The following ZNF567 variants were observed in gnomAD, a reference collection of about 807,000 sequenced individuals.
ZNF567 encodes the protein zinc finger protein 567.
In ZNF567, 36 loss-of-function variants were observed where a neutral mutation model predicts 53.9. That is an observed-to-expected ratio of 0.67 (90% CI 0.51 to 0.88). ZNF567 has a LOEUF of 0.88. ZNF567 is among the 40% of genes least tolerant of loss of function. The probability of loss-of-function intolerance (pLI) is 0.00; values close to 1 mark genes in which losing one functional copy is unlikely to be tolerated. For missense variants in ZNF567, 619 were observed against 764.7 expected (o/e 0.81, Z 2.25); for synonymous variants, 224 against 260.4 (o/e 0.86, Z 1.35).
intron 4 of ZNF567, 42 bp from the exon 5 acceptor site, chr19:36,712,739 T>G: frequency 1.3e-5 from 21 of 1,572,132 alleles, no homozygotes; most frequent in Non-Finnish European, 1.8e-5. Flanking sequence ...TTTTCAGTGG[T>G]ATTATAGCCC....
downstream of ZNF567, among the ~76,000 whole-genome samples, chr19:36,723,899 A>G (rs757930512): frequency 1.3e-5 from 2 of 152,046 alleles, no homozygotes; most frequent in Non-Finnish European, 2.9e-5. Flanking sequence ...GCATCTTTCC[A>G]TAATCATGCT....
At chr19:36,721,769 G>C (rs908019158), downstream of ZNF567, among the ~76,000 whole-genome samples, 11 of 111,850 alleles carry the variant, frequency 9.8e-5, no homozygotes, top group African/African-American at 3.7e-4. Context: ...TTTTGAGACA[G>C]AGTCTCGCTC....
chr19:36,691,591 A>T (rs2038614076), intron 2 of ZNF567, among the ~76,000 whole-genome samples: 1 of 152,222 alleles, frequency 6.6e-6, no homozygotes, highest in South Asian at 2.1e-4. Flanking sequence ...TTTTAAACTC[A>T]TGTCACCACC....
the ZNF567 span, among the ~76,000 whole-genome samples, chr19:36,681,450 G>T: frequency 2.0e-5 from 3 of 151,224 alleles, no homozygotes; most frequent in Admixed American, 6.6e-5. Flanking sequence ...GTTTCTTTGA[G>T]ACAAGGTCTC....
chr19:36,701,029 G>A (rs1349274960), intron 3 of ZNF567, among the ~76,000 whole-genome samples: 2 of 150,494 alleles, frequency 1.3e-5, no homozygotes, highest in Admixed American at 6.6e-5. Flanking sequence ...TGTCAATTTT[G>A]GATCTTTCCT....
At chr19:36,714,596 G>T (rs535526953) in intron 5 of ZNF567, 1 of 391,842 alleles carries the variant, frequency 2.6e-6, no homozygotes, top group Non-Finnish European at 4.5e-6. Context: ...TCTGTGCTAA[G>T]CTCCCCTTCT....
At chr19:36,701,495 G>A (rs557743639) in intron 3 of ZNF567, among the ~76,000 whole-genome samples, 9 of 151,846 alleles carry the variant, frequency 5.9e-5, no homozygotes, top group South Asian at 4.2e-4. Flanking sequence ...TTTCTGTCTC[G>A]TTGATCTGTC....
intron 5 of ZNF567, among the ~76,000 whole-genome samples, chr19:36,718,599 G>A (rs1462569005): frequency 6.6e-6 from 1 of 151,998 alleles, no homozygotes; most frequent in Admixed American, 6.6e-5. Flanking sequence ...AATTTTTCTT[G>A]TCCATCCTAC....
chr19:36,696,049 G>T (rs983345528), intron 3 of ZNF567, among the ~76,000 whole-genome samples: 1 of 152,142 alleles, frequency 6.6e-6, no homozygotes, highest in African/African-American at 2.4e-5. Flanking sequence ...CTAAAAATCT[G>T]TGGCCTTCCA....
At chr19:36,727,079 A>ATTTATTTATTTT (rs2040338828), downstream of ZNF567, 1 of 111,804 alleles carries the variant, frequency 8.9e-6, no homozygotes, top group African/African-American at 3.3e-5. Context: ...TTATTTATTT[A>ATTTATTTATTTT]TTTATTTTTT....
chr19:36,672,005 A>G, the ZNF567 span, among the ~76,000 whole-genome samples: 1 of 152,226 alleles, frequency 6.6e-6, no homozygotes, highest in South Asian at 2.1e-4. Flanking sequence ...TCGTGGCCTC[A>G]TGGGGAGTTC....
intron 2 of ZNF567, among the ~76,000 whole-genome samples, 175 bp downstream of exon 2, chr19:36,689,672 C>T (rs2038492930): frequency 6.6e-6 from 1 of 152,040 alleles, no homozygotes. Context: ...TGATAGGACC[C>T]AAGACAACCC....
intron 3 of ZNF567, among the ~76,000 whole-genome samples, chr19:36,706,459 A>G (rs1441665718): frequency 6.6e-6 from 1 of 151,790 alleles, no homozygotes; most frequent in Non-Finnish European, 1.5e-5. Flanking sequence ...ATGCCCAGCT[A>G]ATTTTTCTGT....
chr19:36,720,198 C>T lies in ZNF567; in HGVS notation c.1474C>T (p.Leu492Phe), dbSNP rs2040249246. ...CGKAFRMKSY[L>F]IDHHRTHTGE... ...GAAGGCCTTTAGAATGAAGTCATAC[C>T]TCATTGATCATCACCGAACTCACAC... Residue 492 changes from leucine (L) to phenylalanine (F), a missense_variant, in exon 6 of 6, where the codon CTC becomes TTC. Transcript: ENST00000682579. 4.3e-6 allele frequency: 7 copies of T among 1,614,004 alleles called. No homozygotes were observed. Among genetic ancestry groups the T allele is most frequent in the South Asian group, 1.1e-5 (1 of 91,074 alleles).
At chr19:36,711,908 A>T (rs1272193213) in intron 3 of ZNF567, 1 of 152,522 alleles carries the variant, frequency 6.6e-6, no homozygotes, top group South Asian at 2.1e-4. Context: ...ACTGATGGAT[A>T]TTTTTACCTT....
chr19:36,719,100 A>G lies in ZNF567; in HGVS notation c.376A>G (p.Asn126Asp). The G allele has an allele frequency of 6.2e-7, 1 of 1,611,458 alleles. No individual in the cohort carries two copies. The highest frequency in any genetic ancestry group is 8.5e-7 in the Non-Finnish European group (1 of 1,179,388). Residue 126 changes from asparagine to aspartate, a missense_variant, in exon 6 of 6, where the codon AAT becomes GAT. Coordinates refer to ENST00000682579, the MANE Select transcript of ZNF567 (RefSeq NM_001322917.1). The stretch of plus-strand genomic sequence containing the variant: ...ATTTACTCTAGGCAAAAACCCTGTG[A>G]ATTCAAAAAATCTACCTCCTGAATA... Reference protein sequence around the residue: ...KTFTLGKNPVNSKNLPPEYDT... With the variant: ...KTFTLGKNPVDSKNLPPEYDT...
At chr19:36,682,610 A>ATTT in the ZNF567 span, among the ~76,000 whole-genome samples, 48 of 139,070 alleles carry the variant, frequency 3.5e-4, no homozygotes, top group Middle Eastern at 3.7e-3. Context: ...TATTATTATT[A>ATTT]TTATTTTTTT....
intron 2 of ZNF567, among the ~76,000 whole-genome samples, chr19:36,693,498 A>G (rs2038726449): frequency 6.6e-6 from 1 of 152,166 alleles, no homozygotes; most frequent in South Asian, 2.1e-4. Flanking sequence ...AAGGACAGGA[A>G]GACACAACAT....
At chr19:36,685,473 G>A (rs1266011074), upstream of ZNF567, 1 of 152,026 alleles carries the variant, frequency 6.6e-6, no homozygotes, top group Non-Finnish European at 1.5e-5. Flanking sequence ...TGCCCATAAG[G>A]TCCTGGAGGG....
Sources: gnomAD v4.1 joint callset for allele counts (sites outside exome capture counted in the v4.1 genomes callset) on GRCh38, gnomAD v4.1.1 for gene constraint, MANE v1.5 for transcripts, NCBI Gene and HGNC (gene_info 2026-07-23, HGNC 2026-07-21) for gene names.